The following SMIM36 variants were observed in gnomAD, a reference collection of about 807,000 sequenced individuals.
SMIM36 encodes small integral membrane protein 36.
chr17:55,459,725 G>A (rs1224061616), intron 4 of SMIM36, among the ~76,000 whole-genome samples: 1 of 152,210 alleles, frequency 6.6e-6, no homozygotes, highest in African/African-American at 2.4e-5. Context: ...TCTTGGCTGG[G>A]CATGGTCACA....
At chr17:55,519,961 C>T in the SMIM36 span, among the ~76,000 whole-genome samples, 1 of 152,144 alleles carries the variant, frequency 6.6e-6, no homozygotes, top group Non-Finnish European at 1.5e-5. Context: ...GCTATTTATT[C>T]TTTCATGATT....
chr17:55,493,883 A>T (rs569734746), intron 1 of SMIM36, among the ~76,000 whole-genome samples: 2 of 151,006 alleles, frequency 1.3e-5, no homozygotes, highest in South Asian at 4.2e-4. Flanking sequence ...GAGAGACAGA[A>T]GGACTAATCT....
the SMIM36 span, among the ~76,000 whole-genome samples, chr17:55,524,258 C>CT: frequency 1.3e-5 from 2 of 152,126 alleles, no homozygotes; most frequent in African/African-American, 2.4e-5. Context: ...TGATCTCATT[C>CT]TTTTTTATGG....
At chr17:55,489,671 C>T (rs891169762) in intron 1 of SMIM36, among the ~76,000 whole-genome samples, 15 of 152,280 alleles carry the variant, frequency 9.9e-5, no homozygotes, top group East Asian at 1.9e-4. Context: ...ATGCAGATTA[C>T]CTCATTTGCA....
At chr17:55,467,405 T>A (rs1028684581) in intron 3 of SMIM36, 77 bp from the exon 4 acceptor site, 8 of 152,156 alleles carry the variant, frequency 5.3e-5, no homozygotes. Context: ...ACCATATTTT[T>A]TTTTTTTTTG....
intron 3 of SMIM36, among the ~76,000 whole-genome samples, chr17:55,471,803 C>A (rs1909344782): frequency 6.6e-6 from 1 of 152,194 alleles, no homozygotes; most frequent in African/African-American, 2.4e-5. Context: ...CCATGACCTG[C>A]TGCCTTTCTG....
chr17:55,501,485 A>C (rs1256268086), intron 1 of SMIM36, among the ~76,000 whole-genome samples: 6 of 97,876 alleles, frequency 6.1e-5, no homozygotes, highest in African/African-American at 2.6e-4. Flanking sequence ...TAATTATTAT[A>C]TATAATATAA....
chr17:55,501,873 C>A lies in SMIM36; in HGVS notation c.*174+9006G>T, dbSNP rs998562675. 6.7e-4 allele frequency among the ~76,000 whole-genome samples: 77 copies of A among 115,758 alleles called. 1 individual carries two copies. The highest frequency in any genetic ancestry group is 3.1e-3 in the African/African-American group (76 of 24,224). The allele number at this position is 115,758 out of a possible 152,430, so 75.9% of individuals were successfully genotyped here. ...GTGGGCGCAGGCCAGTGGGTGCGCG[C>A]ACAGTGCGCGAGCCGAAGCAAGGCA... is the stretch of plus-strand genomic sequence containing the variant. On this transcript the variant is annotated intron_variant, in intron 1 of 4. Coordinates refer to ENST00000636752, the Ensembl canonical transcript of SMIM36.
At chr17:55,492,242 CTTTT>C (rs770501215) in intron 1 of SMIM36, among the ~76,000 whole-genome samples, 1 of 111,284 alleles carries the variant, frequency 9.0e-6, no homozygotes, top group South Asian at 2.8e-4. Context: ...TTCTTTCTTT[CTTTT>C]TTTTTTTTTT....
At chr17:55,489,463 A>G (rs1909664449) in intron 1 of SMIM36, among the ~76,000 whole-genome samples, 1 of 152,230 alleles carries the variant, frequency 6.6e-6, no homozygotes, top group South Asian at 2.1e-4. Context: ...TTCAAACCGC[A>G]TTATCTGTGA....
chr17:55,501,187 AATATATCTT>A lies in SMIM36; in HGVS notation c.*174+9683_*174+9691del, dbSNP rs1567870923. ...ATATATCTTATATATTATAATATATAATATATCTTATATATTATAATATATAATATATAT... is the reference window on the plus strand; with the variant it reads ...ATATATCTTATATATTATAATATATAATATATTATAATATATAATATATAT... On this transcript the variant is annotated intron_variant, in intron 1 of 4. Coordinates refer to ENST00000636752, the Ensembl canonical transcript of SMIM36. Among the ~76,000 whole-genome samples, 383 of 83,960 alleles carry A rather than the reference AATATATCTT, an allele frequency of 4.6e-3. 50 individuals carry two copies. The highest frequency in any genetic ancestry group is 8.6e-3 in the African/African-American group (148 of 17,220). 55.1% of individuals were successfully genotyped at this position (83,960 alleles called of 152,430 possible).
intron 3 of SMIM36, among the ~76,000 whole-genome samples, chr17:55,477,601 A>G (rs1909446746): frequency 2.0e-5 from 3 of 152,172 alleles, no homozygotes; most frequent in African/African-American, 2.4e-5. Flanking sequence ...GGACCTCAAC[A>G]TATCTTTTTA....
chr17:55,465,309 C>T (rs539951890), intron 4 of SMIM36, among the ~76,000 whole-genome samples: 2 of 152,314 alleles, frequency 1.3e-5, no homozygotes, highest in Admixed American at 1.3e-4. Flanking sequence ...TATTTAACTT[C>T]TCACAGCCTC....
intron 4 of SMIM36, among the ~76,000 whole-genome samples, chr17:55,459,959 C>T (rs1909107703): frequency 6.6e-6 from 1 of 152,034 alleles, no homozygotes; most frequent in South Asian, 2.1e-4. Flanking sequence ...CACCACTGCA[C>T]TCAGCCTGGG....
intron 1 of SMIM36, among the ~76,000 whole-genome samples, chr17:55,484,474 A>G (rs1909572302): frequency 6.6e-6 from 1 of 152,234 alleles, no homozygotes; most frequent in Non-Finnish European, 1.5e-5. Flanking sequence ...TGGCTTGATC[A>G]TGCTTATATT....
intron 3 of SMIM36, among the ~76,000 whole-genome samples, chr17:55,471,326 T>C (rs1909338735): frequency 6.6e-6 from 1 of 152,102 alleles, no homozygotes; most frequent in African/African-American, 2.4e-5. Context: ...CAGCCCCTCT[T>C]ACCAATCTTC....
intron 3 of SMIM36, among the ~76,000 whole-genome samples, chr17:55,472,881 AG>A (rs748515883): frequency 0.22 from 30,652 of 141,230 alleles, 3,647 homozygotes; most frequent in Non-Finnish European, 0.27. Flanking sequence ...AAAAAAAAAA[AG>A]AAAAGAAAAG....
At chr17:55,490,619 C>A (rs192853095) in intron 1 of SMIM36, among the ~76,000 whole-genome samples, 1 of 152,138 alleles carries the variant, frequency 6.6e-6, no homozygotes, top group East Asian at 1.9e-4. Context: ...AGGGGAAAAT[C>A]AGTCCATGCT....
intron 2 of SMIM36, among the ~76,000 whole-genome samples, chr17:55,479,141 GGTGTATGCAAA>G (rs1909476321): frequency 6.6e-6 from 1 of 152,182 alleles, no homozygotes; most frequent in African/African-American, 2.4e-5. Flanking sequence ...TCAGCCTTTT[GGTGTATGCAAA>G]GTGTCTAGCT....
Sources: allele counts gnomAD v4.1 joint callset (sites outside exome capture counted in the v4.1 genomes callset), GRCh38; gene constraint gnomAD v4.1.1; transcripts MANE v1.5; gene names NCBI Gene and HGNC (gene_info 2026-07-23, HGNC 2026-07-21).